The following FSTL4 variants were observed in gnomAD, a reference collection of about 807,000 sequenced individuals.
The protein encoded by FSTL4 is follistatin-related protein 4.
FSTL4 carries 28 observed loss-of-function variants against 78.2 expected under a neutral mutation model. The ratio of observed to expected loss-of-function variants is 0.36; its 90% CI spans 0.27 to 0.49. The LOEUF (loss-of-function observed/expected upper bound fraction) is 0.49, where lower values mean the gene tolerates loss of function less well. FSTL4 is among the 20% of genes least tolerant of loss of function. FSTL4 has a pLI of 0.98. For synonymous variants in FSTL4, 422 were observed against 440.5 expected, an observed-to-expected ratio of 0.96 and a Z score of 0.53; for missense variants, 922 against 1,084.9, an observed-to-expected ratio of 0.85 and a Z score of 2.11.
rs574135001 is a variant in FSTL4, at chr5:133,572,495, G to C, written c.127-5276C>G. Reference sequence around the variant, plus strand: ...AGATATTTAGACAAAAAAACCCTGAGAGAATACATTGCCAACAAATTAACA... The same window carrying C: ...AGATATTTAGACAAAAAAACCCTGACAGAATACATTGCCAACAAATTAACA... On this transcript the variant is annotated intron_variant, in intron 2 of 15. Transcript: ENST00000265342. Among the ~76,000 whole-genome samples, 6 of 152,034 alleles carry C rather than the reference G, an allele frequency of 3.9e-5. No homozygotes were observed. The South Asian group carries it at 1.2e-3, about 32-fold the overall frequency.
Position 133,225,326 on chromosome 5 carries a change from G to C in FSTL4, c.1178-42C>G. 1 of 1,612,434 alleles carries C rather than the reference G, an allele frequency of 6.2e-7. No homozygotes were observed. The highest frequency in any genetic ancestry group is 8.5e-7 in the Non-Finnish European group (1 of 1,178,756). On this transcript the variant is annotated intron_variant, in intron 9 of 15. Transcript: ENST00000265342. The surrounding 1 kb of genome is among the most constrained non-coding windows in gnomAD (Gnocchi z 4.6). Reference sequence around the variant, plus strand: ...GCTCAGGGTGGACTGCTCAGCTGGAGACCCACTCACTTTCCTTTATGGGGC... The same window carrying C: ...GCTCAGGGTGGACTGCTCAGCTGGACACCCACTCACTTTCCTTTATGGGGC...
At chr5:133,559,959 C>A (rs568964307) in intron 3 of FSTL4, among the ~76,000 whole-genome samples, 17 of 152,308 alleles carry the variant, frequency 1.1e-4, no homozygotes, top group Non-Finnish European at 2.4e-4. Context: ...TGTGATCTGA[C>A]CTTTGTGAGA....
intron 3 of FSTL4, among the ~76,000 whole-genome samples, chr5:133,491,368 C>G (rs1424362235): frequency 6.7e-6 from 1 of 149,534 alleles, no homozygotes; most frequent in Non-Finnish European, 1.5e-5. Context: ...TTAAACAATA[C>G]TTTGATATTA....
chr5:133,626,509 T>G, the FSTL4 span, among the ~76,000 whole-genome samples: 3 of 150,430 alleles, frequency 2.0e-5, no homozygotes, highest in Admixed American at 6.7e-5. Flanking sequence ...GGCCCTCTTT[T>G]CTAAGGTATG....
At chr5:133,765,123 T>C in the FSTL4 span, among the ~76,000 whole-genome samples, 1 of 152,262 alleles carries the variant, frequency 6.6e-6, no homozygotes, top group Non-Finnish European at 1.5e-5. Context: ...TGAATTCTTC[T>C]GCGAAGCAAG....
At chr5:133,741,938 A>G in the FSTL4 span, among the ~76,000 whole-genome samples, 1 of 152,304 alleles carries the variant, frequency 6.6e-6, no homozygotes, top group South Asian at 2.1e-4. Context: ...GAAAGACTGC[A>G]TGACTCTTCA....
In FSTL4 at chr5:133,432,159, A is replaced by T. The variant is rs1196206833; in HGVS notation, c.161-31173T>A. ...GGGCAAGACTGGTTTCATTATCTTT[A>T]AAAAAAATAGATTAGAAAACAGAGG... is the stretch of plus-strand genomic sequence containing the variant. On this transcript the variant is annotated intron_variant, in intron 3 of 15. Transcript: ENST00000265342. 3.3e-4 allele frequency among the ~76,000 whole-genome samples: 50 copies of T among 151,894 alleles called. 1 individual carries two copies. The highest frequency in any genetic ancestry group is 7.4e-5 in the Non-Finnish European group (5 of 67,980).
chr5:133,400,973 G>T lies in FSTL4; in HGVS notation c.174C>A (p.His58Gln), dbSNP rs748767490. 18 of 1,613,126 alleles carry T rather than the reference G, an allele frequency of 1.1e-5. No homozygotes were observed. Among genetic ancestry groups the T allele is most frequent in the Non-Finnish European group, 1.5e-5 (18 of 1,180,022 alleles). The change falls in exon 4 of 16, where the codon CAC becomes CAA. Residue 58 changes from histidine to glutamine, a missense_variant. By Grantham distance (24) the His-to-Gln change is conservative. Coordinates refer to ENST00000265342, the MANE Select transcript of FSTL4 (RefSeq NM_015082.2). ...EVTRREGLSS[H>Q]NELLASCGKK... is the part of the protein sequence containing the mutation. ...TCCCGCAGGAGGCCAGCAGCTCGTT[G>T]TGGCTGGAAAGCCCTGCCAGACACA...
At chr5:133,682,079 C>G in the FSTL4 span, among the ~76,000 whole-genome samples, 1 of 152,140 alleles carries the variant, frequency 6.6e-6, no homozygotes, top group African/African-American at 2.4e-5. Flanking sequence ...GTAAGAGGAA[C>G]CCCAGTGTGG....
intron 3 of FSTL4, among the ~76,000 whole-genome samples, chr5:133,490,818 G>T (rs1394225271): frequency 2.0e-5 from 3 of 152,180 alleles, no homozygotes; most frequent in African/African-American, 7.2e-5. Flanking sequence ...TGCATGCAAA[G>T]AATGTGTATT....
intron 4 of FSTL4, among the ~76,000 whole-genome samples, chr5:133,356,011 A>G (rs1360138012): frequency 3.9e-5 from 6 of 152,126 alleles, no homozygotes; most frequent in Non-Finnish European, 1.5e-5. Flanking sequence ...GGCCTCTTAC[A>G]GAGGCTTGGG....
At chr5:133,258,718 G>C (rs768698845) in intron 6 of FSTL4, among the ~76,000 whole-genome samples, 3 of 152,144 alleles carry the variant, frequency 2.0e-5, no homozygotes, top group Non-Finnish European at 2.9e-5. Flanking sequence ...GATGAGGATG[G>C]GAAACCAGCC....
chr5:133,601,082 C>T (rs1760857717), intron 2 of FSTL4, among the ~76,000 whole-genome samples: 1 of 152,214 alleles, frequency 6.6e-6, no homozygotes, highest in African/African-American at 2.4e-5. Flanking sequence ...GCCTGTCCGG[C>T]CTGCAGGCTG....
At chr5:133,568,475 C>T (rs903146836) in intron 2 of FSTL4, among the ~76,000 whole-genome samples, 6 of 152,142 alleles carry the variant, frequency 3.9e-5, no homozygotes, top group African/African-American at 1.2e-4. Flanking sequence ...ACTAAGAGGG[C>T]ACTGGGAAGG....
rs568163245 is a variant in FSTL4 at position 133,289,653 on chromosome 5, C to G, written c.727+23001G>C. Among the ~76,000 whole-genome samples, 20 of 152,310 alleles carry G rather than the reference C, an allele frequency of 1.3e-4. No individual in the cohort carries two copies. The South Asian group carries it at 3.9e-3, about 30-fold the overall frequency. On this transcript the variant is annotated intron_variant, in intron 6 of 15. Transcript: ENST00000265342. ...TCCTGCTGTGGTAGGCACCTGTCTT[C>G]CAGCTTGCCCAACTCTGGGACTAGT...
intron 3 of FSTL4, among the ~76,000 whole-genome samples, chr5:133,416,574 T>G (rs1488033414): frequency 1.3e-5 from 2 of 152,226 alleles, no homozygotes; most frequent in Admixed American, 1.3e-4. Context: ...GACAAGTTTA[T>G]AGTGGAGAAA....
intron 4 of FSTL4, among the ~76,000 whole-genome samples, chr5:133,358,717 A>G (rs1452321386): frequency 6.7e-6 from 1 of 149,270 alleles, no homozygotes; most frequent in Non-Finnish European, 1.5e-5. Context: ...CTCATGCCTC[A>G]GCCTCCTGAG....
At chr5:133,505,494 T>C (rs1758595039) in intron 3 of FSTL4, among the ~76,000 whole-genome samples, 1 of 152,188 alleles carries the variant, frequency 6.6e-6, no homozygotes, top group African/African-American at 2.4e-5. Flanking sequence ...ATTCTCTTCC[T>C]AAAGTCTGAT....
At chr5:133,441,484 G>A (rs772367798) in intron 3 of FSTL4, among the ~76,000 whole-genome samples, 3 of 152,118 alleles carry the variant, frequency 2.0e-5, no homozygotes, top group Admixed American at 1.3e-4. Flanking sequence ...TAGGCAAACT[G>A]TGCCTCCAGC....
Sources: allele counts gnomAD v4.1 joint callset (sites outside exome capture counted in the v4.1 genomes callset), GRCh38; gene constraint gnomAD v4.1.1; non-coding constraint Gnocchi (gnomAD v3.1); transcripts MANE v1.5; gene names NCBI Gene and HGNC (gene_info 2026-07-23, HGNC 2026-07-21).